Variants in NAA20 observed in about 807,000 individuals in gnomAD.
NAA20 encodes N-alpha-acetyltransferase 20.
A neutral mutation model predicts 23.8 loss-of-function variants in NAA20; 24 were observed. The observed-to-expected ratio is 1.01, with a 90% CI of 0.73 to 1.42. The LOEUF is 1.42. NAA20 is among the 40% of genes most tolerant of loss of function. The pLI is 0.00. For synonymous variants in NAA20, 83 were observed against 77.7 expected, an observed-to-expected ratio of 1.07 and a Z score of -0.36; for missense variants, 166 against 223.1, an observed-to-expected ratio of 0.74 and a Z score of 1.63.
chr20:20,019,190 G>T (rs2043251834), intron 1 of NAA20, among the ~76,000 whole-genome samples: 1 of 152,246 alleles, frequency 6.6e-6, no homozygotes, highest in Non-Finnish European at 1.5e-5. Flanking sequence ...AGAGAGAAAT[G>T]ATGAAGCCAG....
intron 4 of NAA20, among the ~76,000 whole-genome samples, chr20:20,031,340 T>TA (rs1036551455): frequency 3.3e-5 from 5 of 152,134 alleles, no homozygotes; most frequent in African/African-American, 1.2e-4. Context: ...AGTATGAAGA[T>TA]AGACTTTTCA....
chr20:20,027,620 C>T (rs2043314697), intron 4 of NAA20, among the ~76,000 whole-genome samples: 1 of 152,128 alleles, frequency 6.6e-6, no homozygotes, highest in Non-Finnish European at 1.5e-5. Context: ...CTACTTCAAA[C>T]TAGTTTGCCA....
chr20:20,025,694 C>T lies in NAA20; in HGVS notation c.96C>T (p.Tyr32=), dbSNP rs750037413. The T allele has an allele frequency of 1.2e-6, 2 of 1,611,190 alleles. No homozygotes were observed. Among genetic ancestry groups the T allele is most frequent in the South Asian group, 1.1e-5 (1 of 91,024 alleles). Residue 32 remains tyrosine (Y), a synonymous_variant, in exon 3 of 6, where the codon TAC becomes TAT. Transcript: ENST00000334982. The part of the protein sequence containing the change: ...PLTETYGIPF[Y]LQYLAHWPEY... Reference sequence around the variant, plus strand: ...GACTCTAGTATGGGATTCCTTTCTACCTACAATACCTCGCCCACTGGCCAG... The same window carrying T: ...GACTCTAGTATGGGATTCCTTTCTATCTACAATACCTCGCCCACTGGCCAG...
At chr20:20,017,500 C>G (rs1245929407) in intron 1 of NAA20, 51 bp downstream of exon 1, 1 of 1,542,142 alleles carries the variant, frequency 6.5e-7, no homozygotes, top group East Asian at 2.5e-5. Context: ...CCTCGCTTCC[C>G]GGCCCCGCCA....
At position 20,022,486 on chromosome 20, in the gene NAA20, CT is replaced by C; in HGVS notation, c.78+12del. 6.4e-7 allele frequency: 1 copy of C among 1,556,788 alleles called. No individual in the cohort carries two copies. The highest frequency in any genetic ancestry group is 1.2e-5 in the South Asian group (1 of 83,018). On this transcript the variant is annotated splice_region_variant and intron_variant, in intron 2 of 5. Coordinates refer to ENST00000334982, the MANE Select transcript of NAA20 (RefSeq NM_016100.5). Reference sequence around the variant, plus strand: ...TGGATCCACTTACAGAAACTGTATCCTTTTTTACAAAAAAAAAAAAGTTGAA... The same window carrying C: ...TGGATCCACTTACAGAAACTGTATCCTTTTTACAAAAAAAAAAAAGTTGAA...
chr20:20,027,734 C>A (rs1473674494), intron 4 of NAA20, among the ~76,000 whole-genome samples: 8 of 150,580 alleles, frequency 5.3e-5, no homozygotes, highest in Non-Finnish European at 1.0e-4. Context: ...GCACAGTTTG[C>A]GAACTGCCAG....
At chr20:20,027,355 A>G (rs1326706949) in intron 4 of NAA20, among the ~76,000 whole-genome samples, 2 of 152,240 alleles carry the variant, frequency 1.3e-5, no homozygotes, top group Admixed American at 6.5e-5. Flanking sequence ...CTAACAGCTA[A>G]TAGCCATTTA....
chr20:20,023,586 T>C (rs865776484), intron 2 of NAA20, among the ~76,000 whole-genome samples: 1 of 152,218 alleles, frequency 6.6e-6, no homozygotes, highest in Non-Finnish European at 1.5e-5. Context: ...CCCACATCTC[T>C]AGTGGCTTAC....
intron 3 of NAA20, among the ~76,000 whole-genome samples, chr20:20,026,579 G>T (rs2043307967): frequency 6.7e-6 from 1 of 149,854 alleles, no homozygotes; most frequent in Non-Finnish European, 1.5e-5. Flanking sequence ...TCTGATTTTA[G>T]AACTATTCTA....
At chr20:20,018,735 A>T in intron 1 of NAA20, 1 of 198,264 alleles carries the variant, frequency 5.0e-6, no homozygotes, top group Non-Finnish European at 9.1e-6. Flanking sequence ...CTTGTGTTGA[A>T]CTCACTGTTC....
intron 5 of NAA20, 58 bp downstream of exon 5, chr20:20,032,711 C>T: frequency 2.7e-6 from 4 of 1,492,822 alleles, no homozygotes; most frequent in African/African-American, 1.4e-5. Flanking sequence ...ATTCTTTCTA[C>T]AGATTGTAGT....
At chr20:20,032,071 TATC>T (rs1407198202) in intron 4 of NAA20, among the ~76,000 whole-genome samples, 2 of 148,780 alleles carry the variant, frequency 1.3e-5, no homozygotes, top group African/African-American at 5.2e-5. Flanking sequence ...GCCAGAAACG[TATC>T]AACAGGACCG....
rs1425241610 is a variant in NAA20, at chr20:20,025,759, T to C, written c.161T>C (p.Met54Thr). ...IVAEAPGGEL[M>T]GYIMGKAEGS... ...GCAGAGGCACCTGGTGGAGAATTAA[T>C]GGGTTATAGTAAGTATAATACCACT... is the stretch of plus-strand genomic sequence containing the variant. Residue 54 changes from methionine (M) to threonine (T), a missense_variant, in exon 3 of 6, where the codon ATG becomes ACG. Coordinates refer to ENST00000334982, the MANE Select transcript of NAA20 (RefSeq NM_016100.5). The C allele has an allele frequency of 6.3e-7, 1 of 1,593,410 alleles. No homozygotes were observed. The highest frequency in any genetic ancestry group is 8.6e-7 in the Non-Finnish European group (1 of 1,161,174).
At chr20:20,017,740 C>G in intron 1 of NAA20, 1 of 1,431,876 alleles carries the variant, frequency 7.0e-7, no homozygotes, top group South Asian at 1.5e-5. Context: ...GGCCTCCGCT[C>G]GTGGTCGCTG....
intron 5 of NAA20, 55 bp downstream of exon 5, chr20:20,032,708 C>T: frequency 2.0e-6 from 3 of 1,502,138 alleles, no homozygotes; most frequent in Non-Finnish European, 2.7e-6. Context: ...TACATTCTTT[C>T]TACAGATTGT....
Position 20,025,804 on chromosome 20 carries a change from A to G in NAA20, c.169+37A>G, listed in dbSNP as rs200617032. The G allele has an allele frequency of 4.6e-4, 612 of 1,327,524 alleles. No homozygotes were observed. In the African/African-American group the frequency reaches 7.4e-3, roughly 16 times the overall value. The allele number at this position is 1,327,524 out of a possible 1,614,324, so 82.2% of individuals were successfully genotyped here. A position where few individuals can be genotyped will look rare whatever the true frequency, so the allele number is the denominator to read the frequency against. ...ACCACTAGTATTTTGTGGAGTAGGT[A>G]AAGATTTTAATATAGATTTCAACTG... On this transcript the variant is annotated intron_variant, in intron 3 of 5. Coordinates refer to ENST00000334982, the MANE Select transcript of NAA20 (RefSeq NM_016100.5).
intron 1 of NAA20, chr20:20,018,197 G>T: frequency 3.0e-6 from 3 of 991,266 alleles, no homozygotes; most frequent in South Asian, 1.5e-5. Context: ...CCTCTGATTT[G>T]CAGGTACCAA....
chr20:20,030,780 GAAAT>G (rs1035460895), intron 4 of NAA20, among the ~76,000 whole-genome samples: 6 of 151,848 alleles, frequency 4.0e-5, no homozygotes, highest in Non-Finnish European at 8.8e-5. Flanking sequence ...CAAGAATCTA[GAAAT>G]AAATGTTTAG....
At chr20:20,026,997 G>A (rs2043311191) in intron 4 of NAA20, 78 bp downstream of exon 4, 3 of 1,569,806 alleles carry the variant, frequency 1.9e-6, no homozygotes, top group East Asian at 2.2e-5. Context: ...CTGAATAACT[G>A]TCATGCTTTA....
Sources: allele counts gnomAD v4.1 joint callset (sites outside exome capture counted in the v4.1 genomes callset), GRCh38; gene constraint gnomAD v4.1.1; transcripts MANE v1.5; gene names NCBI Gene and HGNC (gene_info 2026-07-23, HGNC 2026-07-21).